GHR: variants seen among roughly 807,000 people sequenced by gnomAD.
GHR encodes the protein GH receptor.
A neutral mutation model predicts 67.1 loss-of-function variants in GHR; 35 were observed. The ratio of observed to expected loss-of-function variants is 0.52; its 90% CI spans 0.40 to 0.69. The LOEUF (loss-of-function observed/expected upper bound fraction) is 0.69. Among genes scored for constraint, GHR ranks in the 30% least tolerant of loss-of-function variants. The pLI is 0.00. For synonymous variants in GHR, 272 were observed against 269.1 expected (o/e 1.01, Z -0.10); for missense variants, 792 against 764.6 (o/e 1.04, Z -0.42).
chr5:42,489,195 C>T lies in GHR; in HGVS notation c.-12+65240C>T, dbSNP rs567565507. ...TCTCGTTCTGTCCTATCCTGCCTCC[C>T]CACTCTTCTTACCTCATTTTCCTAG... On this transcript the variant is annotated intron_variant, in intron 1 of 9. Transcript: ENST00000230882. 4.6e-5 allele frequency among the ~76,000 whole-genome samples: 7 copies of T among 152,210 alleles called. No individual in the cohort carries two copies. In the South Asian group the frequency reaches 1.5e-3, roughly 32 times the overall value.
At chr5:42,497,855 A>G (rs1746384186) in intron 1 of GHR, among the ~76,000 whole-genome samples, 1 of 152,162 alleles carries the variant, frequency 6.6e-6, no homozygotes, top group Middle Eastern at 3.2e-3. Context: ...TTGCATTTCT[A>G]TAGGTATCAG....
intron 1 of GHR, among the ~76,000 whole-genome samples, chr5:42,456,042 A>G (rs2395970): frequency 0.22 from 32,985 of 152,196 alleles, 3,913 homozygotes; most frequent in African/African-American, 0.29. Context: ...GCCACACACA[A>G]TGGCTTACGC....
chr5:42,643,517 T>A (rs930505824), intron 3 of GHR, among the ~76,000 whole-genome samples: 2 of 152,144 alleles, frequency 1.3e-5, no homozygotes, highest in Non-Finnish European at 2.9e-5. Context: ...ACTAAGATTG[T>A]TAATGTCTAC....
rs1000731310 is a variant in GHR, at chr5:42,665,392, A to G, written c.137-23498A>G. Among the ~76,000 whole-genome samples the G allele has an allele frequency of 1.0e-3, 154 of 152,310 alleles. No individual in the cohort carries two copies. The Middle Eastern group carries it at 0.017, about 17-fold the overall frequency. On this transcript the variant is annotated intron_variant, in intron 3 of 9. Coordinates refer to ENST00000230882, the MANE Select transcript of GHR (RefSeq NM_000163.5). ...ACTGGATTAAGAAAATGTGGCACATATACACCACGGAATACTATGCAGCCA... is the reference window on the plus strand; with the variant it reads ...ACTGGATTAAGAAAATGTGGCACATGTACACCACGGAATACTATGCAGCCA...
intron 1 of GHR, among the ~76,000 whole-genome samples, chr5:42,497,787 CT>C (rs1250730679): frequency 1.3e-5 from 2 of 152,154 alleles, no homozygotes; most frequent in African/African-American, 4.8e-5. Flanking sequence ...TTGTAGAATT[CT>C]GCAATTTTCT....
chr5:42,601,281 T>C (rs1458307371), intron 2 of GHR, among the ~76,000 whole-genome samples: 1 of 152,188 alleles, frequency 6.6e-6, no homozygotes, highest in Non-Finnish European at 1.5e-5. Context: ...GTCTCTTTTA[T>C]TGTCTTCTCC....
intron 1 of GHR, chr5:42,467,717 CA>C: frequency 6.4e-7 from 1 of 1,570,778 alleles, no homozygotes; most frequent in Non-Finnish European, 8.8e-7. Context: ...TCATGACATT[CA>C]AAAGGTTTCT....
intron 1 of GHR, among the ~76,000 whole-genome samples, chr5:42,508,567 AGTTTGTTT>A (rs552462948): frequency 3.9e-5 from 6 of 151,978 alleles, no homozygotes; most frequent in Non-Finnish European, 8.8e-5. Flanking sequence ...CCCAGCAGGA[AGTTTGTTT>A]GTTTGTTTGT....
intron 2 of GHR, 91 bp downstream of exon 2, chr5:42,566,035 A>G (rs1749913122): frequency 1.4e-6 from 2 of 1,460,124 alleles, no homozygotes; most frequent in Non-Finnish European, 1.9e-6. Flanking sequence ...TGATTTTATT[A>G]AAAGATGCAA....
intron 1 of GHR, among the ~76,000 whole-genome samples, chr5:42,443,181 G>A (rs533381901): frequency 1.8e-4 from 28 of 152,144 alleles, no homozygotes; most frequent in Middle Eastern, 3.2e-3. Flanking sequence ...GGACTTGGTG[G>A]CTATATCATG....
At chr5:42,499,034 G>C (rs1040301639) in intron 1 of GHR, among the ~76,000 whole-genome samples, 14 of 152,222 alleles carry the variant, frequency 9.2e-5, no homozygotes, top group African/African-American at 3.1e-4. Flanking sequence ...AGAGGTAACA[G>C]ATGGAATGAT....
At chr5:42,482,832 G>C (rs1228766649) in intron 1 of GHR, among the ~76,000 whole-genome samples, 2 of 152,204 alleles carry the variant, frequency 1.3e-5, no homozygotes, top group Non-Finnish European at 2.9e-5. Context: ...GCGCTTCCCA[G>C]GTGAGGCGAT....
chr5:42,627,682 G>C (rs574888649), intron 2 of GHR, among the ~76,000 whole-genome samples: 1 of 152,248 alleles, frequency 6.6e-6, no homozygotes, highest in Non-Finnish European at 1.5e-5. Flanking sequence ...AGGTGCAAAG[G>C]CTGGGGCAAG....
intron 1 of GHR, among the ~76,000 whole-genome samples, chr5:42,524,288 T>C (rs1383935039): frequency 6.6e-6 from 1 of 152,128 alleles, no homozygotes; most frequent in East Asian, 1.9e-4. Context: ...GCTGAGGTGG[T>C]TTCAGATGGA....
At chr5:42,633,569 T>A (rs773817101) in intron 3 of GHR, among the ~76,000 whole-genome samples, 2 of 152,180 alleles carry the variant, frequency 1.3e-5, no homozygotes, top group Non-Finnish European at 2.9e-5. Context: ...TTTTTCTTCC[T>A]ATCTCCTATT....
chr5:42,521,248 G>A (rs913263394), intron 1 of GHR, among the ~76,000 whole-genome samples: 1 of 152,162 alleles, frequency 6.6e-6, no homozygotes, highest in African/African-American at 2.4e-5. Flanking sequence ...GGGTGCCTTT[G>A]CCTTGGATTC....
intron 3 of GHR, among the ~76,000 whole-genome samples, chr5:42,654,965 G>C (rs931281663): frequency 9.9e-5 from 15 of 152,148 alleles, no homozygotes; most frequent in Admixed American, 9.8e-4. Context: ...CTCCTCATCT[G>C]AAAGGGTTTC....
At chr5:42,571,388 C>A (rs533853916) in intron 2 of GHR, among the ~76,000 whole-genome samples, 1 of 152,354 alleles carries the variant, frequency 6.6e-6, no homozygotes, top group African/African-American at 2.4e-5. Context: ...GAACTCCCTC[C>A]TCATTGTAGT....
chr5:42,515,833 G>C (rs548783171), intron 1 of GHR, among the ~76,000 whole-genome samples: 1 of 152,146 alleles, frequency 6.6e-6, no homozygotes, highest in African/African-American at 2.4e-5. Context: ...CAGTTTTATC[G>C]CAGCCTATGA....
Sources: allele counts gnomAD v4.1 joint callset (sites outside exome capture counted in the v4.1 genomes callset), GRCh38; gene constraint gnomAD v4.1.1; transcripts MANE v1.5; gene names NCBI Gene and HGNC (gene_info 2026-07-23, HGNC 2026-07-21).